MCM6: variants seen among roughly 807,000 people sequenced by gnomAD.
MCM6 encodes the protein DNA replication licensing factor MCM6.
A neutral mutation model predicts 94.3 loss-of-function variants in MCM6; 46 were observed. The observed-to-expected ratio is 0.49, with a 90% confidence interval of 0.39 to 0.62. The LOEUF (loss-of-function observed/expected upper bound fraction) is 0.62. MCM6 is among the 20% of genes least tolerant of loss of function. The pLI, the probability that MCM6 is intolerant of heterozygous loss-of-function variation, is 0.00. For synonymous variants in MCM6, 335 were observed against 351.9 expected, an observed-to-expected ratio of 0.95 and a Z score of 0.54; for missense variants, 865 against 1,017.9, an observed-to-expected ratio of 0.85 and a Z score of 2.04.
At position 135,851,507 on chromosome 2, in the gene MCM6, T is replaced by C. The variant is rs904351393; in HGVS notation, c.1812A>G (p.Arg604=). The change falls in exon 13 of 17, where the codon AGA becomes AGG. Residue 604 remains arginine (R), a synonymous_variant. Coordinates refer to ENST00000264156, the MANE Select transcript of MCM6 (RefSeq NM_005915.6). The part of the protein sequence containing the change: ...IVEQYKHLRQ[R]DGSGVTKSSW... The stretch of plus-strand genomic sequence containing the variant: ...AAGACTTGGTCACTCCAGAACCATC[T>C]CTCTGGCGGAGATGTTTATATTGCT... 6.2e-7 allele frequency: 1 copy of C among 1,613,438 alleles called. No homozygotes were observed.
chr2:135,848,199 AATG>A lies in MCM6; in HGVS notation c.1918-14_1918-12del. 3 of 1,590,524 alleles carry A rather than the reference AATG, an allele frequency of 1.9e-6. No individual in the cohort carries two copies. The highest frequency in any genetic ancestry group is 1.7e-6 in the Non-Finnish European group (2 of 1,161,200). On this transcript the variant is annotated splice_polypyrimidine_tract_variant and intron_variant, in intron 13 of 16. Transcript: ENST00000264156. Reference sequence around the variant, plus strand: ...ATGTTTAGGTTGGACCTAAACCAATAATGATGAAGTAATTAAGCTACTTTTTTT... The same window carrying A: ...ATGTTTAGGTTGGACCTAAACCAATAATGAAGTAATTAAGCTACTTTTTTT...
At chr2:135,870,492 G>T in intron 2 of MCM6, 131 bp from the exon 3 acceptor site, 1 of 630,174 alleles carries the variant, frequency 1.6e-6, no homozygotes, top group South Asian at 2.0e-5. Context: ...AACTGTGTAG[G>T]ACACTTCTAT....
At chr2:135,854,298 C>T (rs1174290168) in intron 11 of MCM6, among the ~76,000 whole-genome samples, 1 of 151,694 alleles carries the variant, frequency 6.6e-6, no homozygotes, top group Admixed American at 6.6e-5. Context: ...GTTGGGAGGC[C>T]AAGACGGGAT....
At chr2:135,870,112 G>A (rs1270778962) in intron 3 of MCM6, 139 bp downstream of exon 3, 3 of 573,640 alleles carry the variant, frequency 5.2e-6, no homozygotes. Flanking sequence ...TGAGGCTCAG[G>A]GAGGTAAAAG....
At chr2:135,871,177 T>C (rs1037895469) in intron 2 of MCM6, among the ~76,000 whole-genome samples, 3 of 152,202 alleles carry the variant, frequency 2.0e-5, no homozygotes, top group South Asian at 4.1e-4. Flanking sequence ...ATGTTTCTAA[T>C]ACCTACTCCA....
chr2:135,866,816 C>A, intron 4 of MCM6, 88 bp from the exon 5 acceptor site: 2 of 1,137,062 alleles, frequency 1.8e-6, no homozygotes, highest in Non-Finnish European at 1.2e-6. Flanking sequence ...CAAATACGGA[C>A]GTATTCTAAA....
At chr2:135,868,929 G>A (rs887187944) in intron 3 of MCM6, 69 bp from the exon 4 acceptor site, 23 of 1,430,860 alleles carry the variant, frequency 1.6e-5, no homozygotes, top group Non-Finnish European at 2.2e-5. Flanking sequence ...ATTTTAGTGA[G>A]AGGGTATTCA....
intron 1 of MCM6, among the ~76,000 whole-genome samples, chr2:135,875,143 A>C (rs1046921807): frequency 6.6e-6 from 1 of 152,110 alleles, no homozygotes; most frequent in Non-Finnish European, 1.5e-5. Context: ...AGGCGGGGGG[A>C]TCACCTGAGG....
intron 11 of MCM6, among the ~76,000 whole-genome samples, chr2:135,855,349 A>G (rs901143650): frequency 1.3e-5 from 2 of 152,028 alleles, no homozygotes; most frequent in Admixed American, 6.6e-5. Flanking sequence ...TTGTGAAGGG[A>G]AAAAAAGTGA....
intron 13 of MCM6, among the ~76,000 whole-genome samples, chr2:135,850,659 GTGGT>G (rs1679764638): frequency 6.6e-6 from 1 of 152,212 alleles, no homozygotes; most frequent in Non-Finnish European, 1.5e-5. Context: ...AGTCGGAACA[GTGGT>G]TACTTCAGGG....
intron 3 of MCM6, among the ~76,000 whole-genome samples, chr2:135,869,513 T>C (rs899914431): frequency 2.0e-5 from 3 of 151,924 alleles, no homozygotes; most frequent in Non-Finnish European, 4.4e-5. Flanking sequence ...AATAATCCTA[T>C]CATGAGAAAA....
intron 5 of MCM6, 131 bp downstream of exon 5, chr2:135,866,432 T>A: frequency 7.1e-7 from 1 of 1,400,148 alleles, no homozygotes; most frequent in East Asian, 2.3e-5. Context: ...AATTTGTTTT[T>A]ATTCTCATCA....
intron 12 of MCM6, 107 bp downstream of exon 12, chr2:135,852,680 G>A: frequency 2.5e-6 from 2 of 796,010 alleles, no homozygotes; most frequent in Middle Eastern, 3.2e-4. Flanking sequence ...TAAAATTTAG[G>A]AACTAAGGTA....
At chr2:135,856,074 G>GT (rs1401354305) in intron 11 of MCM6, among the ~76,000 whole-genome samples, 1 of 151,840 alleles carries the variant, frequency 6.6e-6, no homozygotes. Flanking sequence ...TGGCATCCCA[G>GT]TTTTTTTCAA....
chr2:135,860,249 C>G (rs2105584435), intron 8 of MCM6, among the ~76,000 whole-genome samples: 1 of 152,254 alleles, frequency 6.6e-6, no homozygotes, highest in East Asian at 1.9e-4. Context: ...TCTCCTGCTT[C>G]AGCCTCTCGA....
intron 15 of MCM6, among the ~76,000 whole-genome samples, chr2:135,845,146 C>A (rs150392885): frequency 1.3e-5 from 2 of 152,278 alleles, no homozygotes; most frequent in African/African-American, 4.8e-5. Flanking sequence ...AAGTAAAATT[C>A]ATGAGTATTC....
In MCM6 at chr2:135,840,845, A is replaced by G; in HGVS notation, c.2456T>C (p.Leu819Pro). ...GTTACTTTCACTATCTCAATCTTCG[A>G]GCAAGTAGTTAGGGTTAACTACCAA... The part of the protein sequence containing the change: ...PYLVVNPNYL[L>P]ED Residue 819 changes from leucine to proline, a missense_variant, in exon 17 of 17, where the codon CTC becomes CCC. This residue lies in a region of MCM6 where 308 missense variants were observed against 324.5 expected (regional missense o/e 0.95). Coordinates refer to ENST00000264156, the MANE Select transcript of MCM6 (RefSeq NM_005915.6). The G allele has an allele frequency of 6.2e-7, 1 of 1,611,304 alleles. No homozygotes were observed. Among genetic ancestry groups the G allele is most frequent in the Non-Finnish European group, 8.5e-7 (1 of 1,177,396 alleles).
At chr2:135,860,258 G>A (rs1321201078) in intron 8 of MCM6, among the ~76,000 whole-genome samples, 6 of 151,820 alleles carry the variant, frequency 4.0e-5, no homozygotes, top group African/African-American at 1.2e-4. Flanking sequence ...TCAGCCTCTC[G>A]AGTAGCTGGG....
rs1333718529 is a variant in MCM6 at position 135,866,294 on chromosome 2, G to C, written c.782-17C>G. 1.9e-6 allele frequency: 3 copies of C among 1,612,658 alleles called. No homozygotes were observed. Among genetic ancestry groups the C allele is most frequent in the South Asian group, 2.2e-5 (2 of 90,938 alleles). On this transcript the variant is annotated splice_polypyrimidine_tract_variant and intron_variant, in intron 5 of 16. Transcript: ENST00000264156. ...CACGTGCTCCTGAAACAGAATGATA[G>C]GTTGTTTCACAACTTAAATATTAAA...
Sources: allele counts gnomAD v4.1 joint callset (sites outside exome capture counted in the v4.1 genomes callset), GRCh38; gene constraint gnomAD v4.1.1; regional missense constraint gnomAD v4.1.1; transcripts MANE v1.5; gene names NCBI Gene and HGNC (gene_info 2026-07-23, HGNC 2026-07-21).